OLA1: variants seen among roughly 807,000 people sequenced by gnomAD.
OLA1 encodes obg-like ATPase 1.
Under a neutral mutation model 48.4 loss-of-function variants are expected in OLA1, and 14 were observed. That is an observed-to-expected ratio of 0.29 (90% confidence interval 0.19 to 0.45). The LOEUF is 0.45. Among genes scored for constraint, OLA1 ranks in the 20% least tolerant of loss-of-function variants. The probability of loss-of-function intolerance (pLI) is 1.00; values close to 1 mark genes in which losing one functional copy is unlikely to be tolerated. For synonymous variants in OLA1, 127 were observed against 150.4 expected (o/e 0.84, Z 1.14); for missense variants, 325 against 467.1 (o/e 0.70, Z 2.80).
At chr2:174,078,171 T>C (rs1173030036) in intron 10 of OLA1, among the ~76,000 whole-genome samples, 1 of 152,044 alleles carries the variant, frequency 6.6e-6, no homozygotes, top group South Asian at 2.1e-4. Flanking sequence ...CTTTTTTGTA[T>C]TCCTTTCAAC....
In OLA1 at chr2:174,193,604, G is replaced by A. The variant is rs188763051; in HGVS notation, c.373+29429C>T. On this transcript the variant is annotated intron_variant, in intron 4 of 10. Transcript: ENST00000284719. Reference sequence around the variant, plus strand: ...GTTAGAGTTTATCTAGTTAGGCACTGGGCTGGGTTTGAAGTTAGCACTATT... The same window carrying A: ...GTTAGAGTTTATCTAGTTAGGCACTAGGCTGGGTTTGAAGTTAGCACTATT... Among the ~76,000 whole-genome samples the A allele has an allele frequency of 5.9e-5, 9 of 152,204 alleles. No homozygotes were observed. In the East Asian group the frequency reaches 1.7e-3, roughly 29 times the overall value.
intron 4 of OLA1, among the ~76,000 whole-genome samples, chr2:174,209,201 A>G (rs572463792): frequency 7.2e-5 from 11 of 152,298 alleles, no homozygotes; most frequent in African/African-American, 2.6e-4. Flanking sequence ...AATCTAATAC[A>G]TTTCCTGAAA....
At chr2:174,231,939 G>T (rs749056549) in intron 2 of OLA1, among the ~76,000 whole-genome samples, 16 of 152,142 alleles carry the variant, frequency 1.1e-4, no homozygotes, top group African/African-American at 1.9e-4. Context: ...AAGCCCATAT[G>T]CTTTTTGTAA....
intron 4 of OLA1, among the ~76,000 whole-genome samples, chr2:174,185,946 G>T: frequency 6.9e-6 from 1 of 145,118 alleles, no homozygotes; most frequent in Non-Finnish European, 1.6e-5. Context: ...AATAAATAAA[G>T]TATTTTTCAC....
chr2:174,218,831 T>C (rs1574559321), intron 4 of OLA1, among the ~76,000 whole-genome samples: 1 of 152,104 alleles, frequency 6.6e-6, no homozygotes, highest in Admixed American at 6.6e-5. Flanking sequence ...TAATCTTTTT[T>C]ATTTTTTTAG....
At chr2:174,159,348 T>G (rs1686959022) in intron 4 of OLA1, among the ~76,000 whole-genome samples, 1 of 152,194 alleles carries the variant, frequency 6.6e-6, no homozygotes, top group Non-Finnish European at 1.5e-5. Context: ...AAGTGACTAC[T>G]TTCTTTAAAA....
At chr2:174,228,772 G>A (rs960473583) in intron 3 of OLA1, among the ~76,000 whole-genome samples, 16 of 152,002 alleles carry the variant, frequency 1.1e-4, no homozygotes, top group Admixed American at 3.3e-4. Flanking sequence ...TTACATGAAC[G>A]AGATCATATA....
At chr2:174,204,711 C>A (rs1241820349) in intron 4 of OLA1, among the ~76,000 whole-genome samples, 1 of 148,286 alleles carries the variant, frequency 6.7e-6, no homozygotes, top group Non-Finnish European at 1.5e-5. Context: ...TATTCCAAAA[C>A]AAGAAAAATG....
intron 4 of OLA1, among the ~76,000 whole-genome samples, chr2:174,153,772 AG>A (rs1686803664): frequency 6.6e-6 from 1 of 152,234 alleles, no homozygotes. Context: ...TATCTTAATG[AG>A]AACTAGCATT....
At chr2:174,085,867 G>A (rs1684964854) in intron 7 of OLA1, among the ~76,000 whole-genome samples, 1 of 152,134 alleles carries the variant, frequency 6.6e-6, no homozygotes, top group South Asian at 2.1e-4. Context: ...TAATTTGCAA[G>A]TTCTTTTCAG....
intron 5 of OLA1, among the ~76,000 whole-genome samples, chr2:174,130,416 T>C (rs534869798): frequency 5.4e-4 from 83 of 152,318 alleles, no homozygotes; most frequent in Non-Finnish European, 9.1e-4. Flanking sequence ...ATAACCTTGG[T>C]AGAATACATG....
chr2:174,119,224 C>A (rs906669257), intron 7 of OLA1, among the ~76,000 whole-genome samples: 1 of 151,778 alleles, frequency 6.6e-6, no homozygotes, highest in African/African-American at 2.4e-5. Context: ...AGATTCTGAT[C>A]AGAGAAAGAA....
At position 174,096,694 on chromosome 2, in the gene OLA1, C is replaced by T. The variant is rs140892824; in HGVS notation, c.729-14630G>A. Among the ~76,000 whole-genome samples, 81 of 152,288 alleles carry T rather than the reference C, an allele frequency of 5.3e-4. 3 individuals carry two copies. In the East Asian group the frequency reaches 0.015, roughly 28 times the overall value. On this transcript the variant is annotated intron_variant, in intron 7 of 10. Transcript: ENST00000284719. ...TCACATGTAACTAAAATAATACCTA[C>T]CCTCACAGGTGGATGTTAGGATTAA...
chr2:174,202,295 A>G (rs1326888043), intron 4 of OLA1, among the ~76,000 whole-genome samples: 2 of 152,334 alleles, frequency 1.3e-5, no homozygotes, highest in African/African-American at 4.8e-5. Context: ...TAACTGCATA[A>G]AATTAACTGT....
chr2:174,225,780 G>A (rs1245113784), intron 3 of OLA1, among the ~76,000 whole-genome samples: 6 of 152,140 alleles, frequency 3.9e-5, no homozygotes, highest in Non-Finnish European at 7.4e-5. Context: ...TCTATTTCTG[G>A]TTGACATAAC....
At chr2:174,083,145 A>T (rs1684894455) in intron 7 of OLA1, among the ~76,000 whole-genome samples, 1 of 152,148 alleles carries the variant, frequency 6.6e-6, no homozygotes, top group Admixed American at 6.5e-5. Flanking sequence ...ATTTTTATAA[A>T]ATTATGCTAT....
intron 5 of OLA1, among the ~76,000 whole-genome samples, chr2:174,137,330 G>A (rs1289288370): frequency 3.3e-5 from 5 of 151,900 alleles, no homozygotes; most frequent in Non-Finnish European, 7.3e-5. Context: ...CAGATGTGCT[G>A]TCATCCAGGT....
intron 4 of OLA1, among the ~76,000 whole-genome samples, chr2:174,202,729 T>C (rs7574014): frequency 0.95 from 144,920 of 152,286 alleles, 69,371 homozygotes; most frequent in East Asian, 1. Context: ...TATGAACTTA[T>C]GGTATCAGAA....
intron 4 of OLA1, among the ~76,000 whole-genome samples, chr2:174,208,676 C>G (rs1364635738): frequency 6.6e-6 from 1 of 152,176 alleles, no homozygotes; most frequent in African/African-American, 2.4e-5. Context: ...AGCTCTCCCA[C>G]CAAACCTGAT....
Sources: gnomAD v4.1 joint callset for allele counts (sites outside exome capture counted in the v4.1 genomes callset) on GRCh38, gnomAD v4.1.1 for gene constraint, MANE v1.5 for transcripts, NCBI Gene and HGNC (gene_info 2026-07-23, HGNC 2026-07-21) for gene names.